The following DYNC2I2 variants were observed in gnomAD, a reference collection of about 807,000 sequenced individuals.
DYNC2I2 encodes the protein cytoplasmic dynein 2 intermediate chain 2.
Under a neutral mutation model 52.0 loss-of-function variants are expected in DYNC2I2, and 39 were observed. The ratio of observed to expected loss-of-function variants is 0.75; its 90% CI spans 0.58 to 0.98. The LOEUF (loss-of-function observed/expected upper bound fraction) is 0.98. DYNC2I2 is among the 50% of genes least tolerant of loss of function. The pLI, the probability that DYNC2I2 is intolerant of heterozygous loss-of-function variation, is 0.00. For synonymous variants in DYNC2I2, 359 were observed against 321.1 expected, an observed-to-expected ratio of 1.12 and a Z score of -1.26; for missense variants, 743 against 728.4, an observed-to-expected ratio of 1.02 and a Z score of -0.23.
chr9:128,679,448 T>G, the DYNC2I2 span, among the ~76,000 whole-genome samples: 1 of 152,072 alleles, frequency 6.6e-6, no homozygotes, highest in African/African-American at 2.4e-5. Flanking sequence ...TGACTAAGAT[T>G]TAGTTAAAGT....
chr9:128,643,609 T>G (rs1589433263), intron 1 of DYNC2I2, among the ~76,000 whole-genome samples: 1 of 151,636 alleles, frequency 6.6e-6, no homozygotes, highest in Non-Finnish European at 1.5e-5. Flanking sequence ...TGAAGATTGC[T>G]TGAGTCCAGG....
the DYNC2I2 span, among the ~76,000 whole-genome samples, chr9:128,665,551 C>T: frequency 6.6e-6 from 1 of 151,732 alleles, no homozygotes; most frequent in East Asian, 1.9e-4. Flanking sequence ...AGGTGGATCA[C>T]CGGAGGTCAG....
At chr9:128,646,722 C>G (rs1860623500) in intron 1 of DYNC2I2, among the ~76,000 whole-genome samples, 1 of 152,226 alleles carries the variant, frequency 6.6e-6, no homozygotes, top group Non-Finnish European at 1.5e-5. Flanking sequence ...GTGGCTCATG[C>G]CTGTAATCCC....
the DYNC2I2 span, among the ~76,000 whole-genome samples, chr9:128,670,490 C>A: frequency 6.6e-6 from 1 of 151,866 alleles, no homozygotes; most frequent in African/African-American, 2.4e-5. Context: ...ATAATCCCAG[C>A]ACTTTGGGAG....
rs572626974 is a variant in DYNC2I2, at chr9:128,640,100, C to T, written c.435+591G>A. 4.0e-5 allele frequency among the ~76,000 whole-genome samples: 6 copies of T among 151,752 alleles called. No homozygotes were observed. In the South Asian group the frequency reaches 8.3e-4, roughly 21 times the overall value. On this transcript the variant is annotated intron_variant, in intron 2 of 8. Coordinates refer to ENST00000372715, the MANE Select transcript of DYNC2I2 (RefSeq NM_052844.4). ...TCAGCTCACTGCAAGCTCCACCTCC[C>T]GGGCTCACGCCATTCTCCTGCCTCA...
chr9:128,668,243 G>A, the DYNC2I2 span, among the ~76,000 whole-genome samples: 1,000 of 140,432 alleles, frequency 7.1e-3, 18 homozygotes, highest in African/African-American at 0.023. Context: ...ACAGGCGTGA[G>A]CCACCACGCC....
At chr9:128,644,941 ATGG>A (rs1298439096) in intron 1 of DYNC2I2, among the ~76,000 whole-genome samples, 1 of 152,186 alleles carries the variant, frequency 6.6e-6, no homozygotes, top group African/African-American at 2.4e-5. Flanking sequence ...CCTACATGAG[ATGG>A]TGAACTTCAT....
chr9:128,641,686 T>C (rs1860516572), intron 1 of DYNC2I2, among the ~76,000 whole-genome samples: 1 of 152,010 alleles, frequency 6.6e-6, no homozygotes, highest in Non-Finnish European at 1.5e-5. Flanking sequence ...CAAGGGACAA[T>C]GACAAGGCCC....
At chr9:128,681,588 A>G in the DYNC2I2 span, among the ~76,000 whole-genome samples, 1 of 152,082 alleles carries the variant, frequency 6.6e-6, no homozygotes, top group Non-Finnish European at 1.5e-5. Flanking sequence ...TGTAGGGAGG[A>G]GTACCATTGC....
intron 5 of DYNC2I2, 70 bp from the exon 6 acceptor site, chr9:128,635,329 A>G (rs2132142713): frequency 6.6e-7 from 1 of 1,506,730 alleles, no homozygotes; most frequent in Non-Finnish European, 8.9e-7. Context: ...CTCCACCCCT[A>G]CCCTCCCTCT....
chr9:128,641,201 G>C (rs1860509057), intron 1 of DYNC2I2, among the ~76,000 whole-genome samples: 1 of 152,100 alleles, frequency 6.6e-6, no homozygotes, highest in Non-Finnish European at 1.5e-5. Context: ...ACCAACACAG[G>C]CCAGTGAGAC....
At chr9:128,653,421 T>TA (rs1056024261) in intron 1 of DYNC2I2, among the ~76,000 whole-genome samples, 4 of 147,252 alleles carry the variant, frequency 2.7e-5, no homozygotes, top group Non-Finnish European at 4.5e-5. Context: ...CTACTAAAAA[T>TA]AAAAAAAACT....
At chr9:128,671,178 T>C in the DYNC2I2 span, among the ~76,000 whole-genome samples, 1 of 151,548 alleles carries the variant, frequency 6.6e-6, no homozygotes, top group South Asian at 2.1e-4. Flanking sequence ...GATGAGCACC[T>C]GTCCCAGCTA....
chr9:128,652,450 AAG>A (rs1218254483), intron 1 of DYNC2I2, among the ~76,000 whole-genome samples: 5 of 141,428 alleles, frequency 3.5e-5, no homozygotes, highest in Non-Finnish European at 6.0e-5. Context: ...AAAAAAAAAA[AAG>A]AAAGAAAGAA....
upstream of DYNC2I2, among the ~76,000 whole-genome samples, chr9:128,659,001 G>A (rs573826197): frequency 2.0e-5 from 3 of 151,724 alleles, no homozygotes; most frequent in Non-Finnish European, 4.4e-5. Flanking sequence ...AAAGTGCTGG[G>A]AATACAGGCT....
In DYNC2I2 at chr9:128,637,075, T is replaced by G. The variant is rs770308898; in HGVS notation, c.436-48A>C. ...GAGTCCAAAGCCACCAGCAGGGGCC[T>G]CATGACTGCCTAACCAAACCCCACC... On this transcript the variant is annotated intron_variant, in intron 2 of 8. Coordinates refer to ENST00000372715, the MANE Select transcript of DYNC2I2 (RefSeq NM_052844.4). The G allele has an allele frequency of 4.2e-6, 6 of 1,441,182 alleles. No homozygotes were observed. In the South Asian group the frequency reaches 7.0e-5, roughly 17 times the overall value. The allele number at this position is 1,441,182 out of a possible 1,614,324, so 89.3% of individuals were successfully genotyped here.
chr9:128,633,828 C>A lies in DYNC2I2; in HGVS notation c.1527G>T (p.Val509=), dbSNP rs774607395. 11 of 1,613,628 alleles carry A rather than the reference C, an allele frequency of 6.8e-6. No homozygotes were observed. In the South Asian group the frequency reaches 1.1e-4, roughly 16 times the overall value. ...AAGDAQGTVK[V]WQLSTEFTEQ... is the part of the protein sequence containing the mutation. Reference sequence around the variant, plus strand: ...CCGTGAACTCTGTGCTCAGCTGCCACACCTTCACTGTGCCCTGGGCATCGC... The same window carrying A: ...CCGTGAACTCTGTGCTCAGCTGCCAAACCTTCACTGTGCCCTGGGCATCGC... Residue 509 remains valine (V), a synonymous_variant, in exon 9 of 9, where the codon GTG becomes GTT. Coordinates refer to ENST00000372715, the MANE Select transcript of DYNC2I2 (RefSeq NM_052844.4).
At chr9:128,682,977 G>A in the DYNC2I2 span, among the ~76,000 whole-genome samples, 1 of 149,602 alleles carries the variant, frequency 6.7e-6, no homozygotes, top group South Asian at 2.1e-4. Flanking sequence ...CGCCCGGCTG[G>A]GACCTTGTCT....
the DYNC2I2 span, among the ~76,000 whole-genome samples, chr9:128,664,890 A>G: frequency 6.6e-6 from 1 of 152,034 alleles, no homozygotes; most frequent in East Asian, 2.0e-4. Context: ...TGGAAGGCCT[A>G]AGGGTGGAGG....
Sources: allele counts gnomAD v4.1 joint callset (sites outside exome capture counted in the v4.1 genomes callset), GRCh38; gene constraint gnomAD v4.1.1; transcripts MANE v1.5; gene names NCBI Gene and HGNC (gene_info 2026-07-23, HGNC 2026-07-21).